The following MAP3K8 variants were observed in gnomAD, a reference collection of about 807,000 sequenced individuals.
The protein encoded by MAP3K8 is Ewing sarcoma transformant.
A neutral mutation model predicts 45.8 loss-of-function variants in MAP3K8; 22 were observed. The ratio of observed to expected loss-of-function variants is 0.48; its 90% CI spans 0.34 to 0.69. MAP3K8 has a LOEUF of 0.69. Among genes scored for constraint, MAP3K8 ranks in the 30% least tolerant of loss-of-function variants. The pLI, the probability that MAP3K8 is intolerant of heterozygous loss-of-function variation, is 0.01. For missense variants in MAP3K8, 419 were observed against 585.0 expected (o/e 0.72, Z 2.93); for synonymous variants, 223 against 214.3 (o/e 1.04, Z -0.36).
intron 4 of MAP3K8, 21 bp from the exon 5 acceptor site, chr10:30,450,237 G>A (rs373916454): frequency 3.5e-5 from 55 of 1,559,976 alleles, no homozygotes; most frequent in East Asian, 4.5e-5. Context: ...TTAGAATCTC[G>A]CTTGTATTTT....
intron 6 of MAP3K8, among the ~76,000 whole-genome samples, chr10:30,454,031 G>A (rs1376931524): frequency 6.6e-6 from 1 of 152,168 alleles, no homozygotes; most frequent in Non-Finnish European, 1.5e-5. Flanking sequence ...TTAGTTCACA[G>A]TTGATTGTGA....
intron 6 of MAP3K8, among the ~76,000 whole-genome samples, chr10:30,453,965 AAAGG>A (rs1564371966): frequency 2.7e-5 from 4 of 149,656 alleles, no homozygotes; most frequent in Non-Finnish European, 5.9e-5. Context: ...GGAGAAAGAA[AAAGG>A]AAGGAAGGAA....
At chr10:30,446,645 TC>T (rs1196811382) in intron 3 of MAP3K8, among the ~76,000 whole-genome samples, 1 of 152,124 alleles carries the variant, frequency 6.6e-6, no homozygotes, top group Non-Finnish European at 1.5e-5. Context: ...AGGCGATTTA[TC>T]CCTTGAAAGA....
At chr10:30,458,062 A>G (rs960541263) in intron 6 of MAP3K8, 22 bp from the exon 7 acceptor site, 2 of 1,444,744 alleles carry the variant, frequency 1.4e-6, no homozygotes, top group Middle Eastern at 1.8e-4. Flanking sequence ...ATGAAGCTGA[A>G]TGTTTCCCAC....
chr10:30,445,203 C>G (rs1836275739), intron 3 of MAP3K8, among the ~76,000 whole-genome samples: 2 of 152,082 alleles, frequency 1.3e-5, no homozygotes, highest in South Asian at 4.1e-4. Context: ...TTCAGACCAG[C>G]CTGGCCAACA....
At position 30,439,235 on chromosome 10, in the gene MAP3K8, TG is replaced by T. The variant is rs1264204621; in HGVS notation, c.299del (p.Gly100AspfsTer11). 1 of 1,614,128 alleles carries T rather than the reference TG, an allele frequency of 6.2e-7. No homozygotes were observed. Among genetic ancestry groups the T allele is most frequent in the Non-Finnish European group, 8.5e-7 (1 of 1,180,054 alleles). ...HISNTAKHFY[G>X]QRPQESGILL... The stretch of plus-strand genomic sequence containing the variant: ...TATCCAACACTGCAAAGCATTTTTA[TG>T]GACAACGACCACAGGAATCTGGAAT... On this transcript the variant is annotated frameshift_variant, in exon 3 of 9. Transcript: ENST00000263056. LOFTEE classifies it high-confidence loss of function.
intron 6 of MAP3K8, 46 bp from the exon 7 acceptor site, chr10:30,458,038 C>T: frequency 7.2e-7 from 1 of 1,397,030 alleles, no homozygotes; most frequent in Non-Finnish European, 9.4e-7. Flanking sequence ...TGGAAACCCA[C>T]ACAAAGGAGG....
Position 30,451,745 on chromosome 10 carries a change from G to A in MAP3K8, c.873+1G>A. ...TCCTAAGGACCTCCGAGGAACAGAGGTAATTATGTTCACATGAAAAGGGTT... is the reference window on the plus strand; with the variant it reads ...TCCTAAGGACCTCCGAGGAACAGAGATAATTATGTTCACATGAAAAGGGTT... On this transcript the variant is annotated splice_donor_variant, in intron 6 of 8. Transcript: ENST00000263056. LOFTEE classifies it high-confidence loss of function. 6.7e-7 allele frequency: 1 copy of A among 1,489,462 alleles called. No individual in the cohort carries two copies. The highest frequency in any genetic ancestry group is 9.2e-7 in the Non-Finnish European group (1 of 1,084,554). The allele number at this position is 1,489,462 out of a possible 1,614,324, so 92.3% of individuals were successfully genotyped here. A position where few individuals can be genotyped will look rare whatever the true frequency, so the allele number is the denominator to read the frequency against.
In MAP3K8 at chr10:30,447,979, CTG is replaced by C. The variant is rs565764264; in HGVS notation, c.504+36_504+37del. ...GTGTTTTCTACCTAGATAACCCACA[CTG>C]TGTGTTTGGCATTCTGGCTTTTGTT... is the stretch of plus-strand genomic sequence containing the variant. On this transcript the variant is annotated intron_variant, in intron 4 of 8. Coordinates refer to ENST00000263056, the MANE Select transcript of MAP3K8 (RefSeq NM_005204.4). 9 of 1,565,312 alleles carry C rather than the reference CTG, an allele frequency of 5.7e-6. No individual in the cohort carries two copies. In the South Asian group the frequency reaches 1.1e-4, roughly 19 times the overall value.
chr10:30,448,344 C>T lies in MAP3K8; in HGVS notation c.504+395C>T, dbSNP rs138436003. ...GAGGCAGAAACTGGGAAGGAGGTAG[C>T]CTTTTCAGGAAGGCAGATTTAAAGG... On this transcript the variant is annotated intron_variant, in intron 4 of 8. Coordinates refer to ENST00000263056, the MANE Select transcript of MAP3K8 (RefSeq NM_005204.4). Among the ~76,000 whole-genome samples, 514 of 151,834 alleles carry T rather than the reference C, an allele frequency of 3.4e-3. 2 individuals are homozygous for T. Among genetic ancestry groups the T allele is most frequent in the African/African-American group, 0.011 (449 of 41,386 alleles).
chr10:30,440,709 G>A (rs1836072922), intron 3 of MAP3K8, among the ~76,000 whole-genome samples: 1 of 151,950 alleles, frequency 6.6e-6, no homozygotes, highest in Admixed American at 6.6e-5. Context: ...GAGAACTCGG[G>A]TTCAAAGTTA....
intron 1 of MAP3K8, among the ~76,000 whole-genome samples, chr10:30,434,918 G>A (rs1044293064): frequency 1.2e-4 from 19 of 152,352 alleles, no homozygotes; most frequent in African/African-American, 4.3e-4. Flanking sequence ...ATTCAAGTTT[G>A]TAACCCGGAC....
At chr10:30,438,783 G>C in intron 2 of MAP3K8, 133 bp from the exon 3 acceptor site, 1 of 595,680 alleles carries the variant, frequency 1.7e-6, no homozygotes, top group Non-Finnish European at 3.0e-6. Context: ...CATACACACA[G>C]TTGACACAGA....
intron 1 of MAP3K8, chr10:30,434,685 C>A (rs1835856931): frequency 2.0e-6 from 2 of 985,416 alleles, no homozygotes; most frequent in Non-Finnish European, 2.4e-6. Flanking sequence ...CGGGGACCCG[C>A]TGTCACTGCG....
intron 3 of MAP3K8, among the ~76,000 whole-genome samples, chr10:30,441,929 A>T (rs926938619): frequency 6.6e-6 from 1 of 152,220 alleles, no homozygotes; most frequent in Non-Finnish European, 1.5e-5. Context: ...CCCTATCAGA[A>T]CTTTACTCAC....
At chr10:30,459,558 CA>C in intron 8 of MAP3K8, 57 bp downstream of exon 8, 2 of 1,596,530 alleles carry the variant, frequency 1.3e-6, no homozygotes, top group Non-Finnish European at 8.6e-7. Context: ...CTGTCCACAT[CA>C]AACCTCTGAT....
intron 7 of MAP3K8, among the ~76,000 whole-genome samples, 168 bp downstream of exon 7, chr10:30,458,404 T>C (rs1836823450): frequency 6.6e-6 from 1 of 152,230 alleles, no homozygotes; most frequent in Admixed American, 6.5e-5. Flanking sequence ...CAAGCTCCAT[T>C]CTTGCAAAGA....
At chr10:30,446,534 C>CAAAA (rs5784199) in intron 3 of MAP3K8, among the ~76,000 whole-genome samples, 9 of 89,216 alleles carry the variant, frequency 1.0e-4, no homozygotes, top group African/African-American at 3.6e-4. Context: ...GACTCCATCT[C>CAAAA]AAAAAAAAAA....
chr10:30,444,262 G>T (rs189928464), intron 3 of MAP3K8, among the ~76,000 whole-genome samples: 2 of 151,244 alleles, frequency 1.3e-5, no homozygotes, highest in Non-Finnish European at 2.9e-5. Context: ...TACAGGGTTC[G>T]AGACCAGCCT....
Sources: gnomAD v4.1 joint callset for allele counts (sites outside exome capture counted in the v4.1 genomes callset) on GRCh38, gnomAD v4.1.1 for gene constraint, MANE v1.5 for transcripts, NCBI Gene and HGNC (gene_info 2026-07-23, HGNC 2026-07-21) for gene names.